The following LARGE1 variants were observed in gnomAD, a reference collection of about 807,000 sequenced individuals.
LARGE1 encodes the protein xylosyl- and glucuronyltransferase LARGE1.
A neutral mutation model predicts 87.6 loss-of-function variants in LARGE1; 43 were observed. The ratio of observed to expected loss-of-function variants is 0.49; its 90% CI spans 0.38 to 0.63. LARGE1 has a LOEUF of 0.63. Among genes scored for constraint, LARGE1 ranks in the 30% least tolerant of loss-of-function variants. The pLI is 0.00. For missense variants in LARGE1, 802 were observed against 1,000.2 expected, an observed-to-expected ratio of 0.80 and a Z score of 2.67; for synonymous variants, 434 against 394.6, an observed-to-expected ratio of 1.10 and a Z score of -1.18.
chr22:33,264,441 T>C (rs5998831), intron 11 of LARGE1, among the ~76,000 whole-genome samples: 20,877 of 152,136 alleles, frequency 0.14, 2,243 homozygotes, highest in African/African-American at 0.3. Flanking sequence ...GGTGGATCAC[T>C]TGAGGTCAGG....
intron 6 of LARGE1, among the ~76,000 whole-genome samples, chr22:33,456,146 C>T (rs1316192607): frequency 6.6e-6 from 1 of 152,212 alleles, no homozygotes; most frequent in East Asian, 1.9e-4. Context: ...CCCACTTGTT[C>T]TTAGACCTGG....
chr22:33,273,416 C>A lies in LARGE1; in HGVS notation c.*1011G>T. The A allele has an allele frequency of 2.5e-6, 1 of 398,710 alleles. No homozygotes were observed. Among genetic ancestry groups the A allele is most frequent in the Non-Finnish European group, 4.4e-6 (1 of 226,064 alleles). 24.7% of individuals were successfully genotyped at this position (398,710 alleles called of 1,614,324 possible). ...GGATACGTGAATCTTCAGAACTGGG[C>A]TTTCATGAATTATGAAAGTTCTTCG... On this transcript the variant is annotated 3_prime_UTR_variant, in exon 15 of 15. Coordinates refer to ENST00000397394, the MANE Select transcript of LARGE1 (RefSeq NM_133642.5).
chr22:33,633,831 C>A (rs960076066), intron 3 of LARGE1, among the ~76,000 whole-genome samples: 1 of 152,158 alleles, frequency 6.6e-6, no homozygotes, highest in African/African-American at 2.4e-5. Context: ...CTGACAGCTG[C>A]GGAGAAGCGA....
chr22:33,788,033 G>A (rs1042909579), intron 1 of LARGE1, among the ~76,000 whole-genome samples: 3 of 152,166 alleles, frequency 2.0e-5, no homozygotes, highest in African/African-American at 7.2e-5. Context: ...CAGAGACCAA[G>A]CATCCAGCTG....
At chr22:33,913,065 C>T (rs2065683814) in intron 1 of LARGE1, among the ~76,000 whole-genome samples, 4 of 152,174 alleles carry the variant, frequency 2.6e-5, no homozygotes, top group Admixed American at 2.6e-4. Context: ...CTCCTGACCT[C>T]AGGTGATCCC....
intron 6 of LARGE1, among the ~76,000 whole-genome samples, chr22:33,550,796 G>A (rs957503787): frequency 1.3e-5 from 2 of 152,204 alleles, no homozygotes; most frequent in Non-Finnish European, 2.9e-5. Flanking sequence ...ATCAACCGAC[G>A]TGCCCATCAA....
chr22:33,298,978 G>A lies in LARGE1; in HGVS notation c.1730+5251C>T, dbSNP rs536552791. Among the ~76,000 whole-genome samples, 48 of 152,266 alleles carry A rather than the reference G, an allele frequency of 3.2e-4. 1 individual carries two copies. Among genetic ancestry groups the A allele is most frequent in the Middle Eastern group, 3.4e-3 (1 of 294 alleles). ...AATCCCAGCACTTTGGGAGGCCTGG[G>A]TGGGCGGATCACTTGAGACTAGGAG... On this transcript the variant is annotated intron_variant, in intron 12 of 14. Coordinates refer to ENST00000397394, the MANE Select transcript of LARGE1 (RefSeq NM_133642.5).
chr22:33,280,520 T>C (rs1407628138), intron 13 of LARGE1, among the ~76,000 whole-genome samples: 1 of 152,026 alleles, frequency 6.6e-6, no homozygotes, highest in Admixed American at 6.6e-5. Flanking sequence ...GACGGCGCCA[T>C]TGCACTCCAT....
intron 1 of LARGE1, among the ~76,000 whole-genome samples, chr22:33,790,145 G>A (rs967173559): frequency 4.6e-5 from 7 of 152,158 alleles, no homozygotes; most frequent in Admixed American, 3.9e-4. Context: ...TTTCATGGTA[G>A]TGAATAAGTC....
intron 6 of LARGE1, among the ~76,000 whole-genome samples, chr22:33,557,929 T>C (rs1482410874): frequency 6.6e-6 from 1 of 152,190 alleles, no homozygotes; most frequent in Non-Finnish European, 1.5e-5. Flanking sequence ...TTAACAAAAC[T>C]GTATGATTGC....
Position 33,579,361 on chromosome 22 carries a change from G to T in LARGE1, c.616-14342C>A, listed in dbSNP as rs185250723. Among the ~76,000 whole-genome samples, 16 of 152,312 alleles carry T rather than the reference G, an allele frequency of 1.1e-4. No individual in the cohort carries two copies. In the East Asian group the frequency reaches 3.1e-3, roughly 29 times the overall value. ...ATTGTGAGGCATCCCCAGCCACGCG[G>T]AATTTTAAGTCCAGTTAAATCTCTT... On this transcript the variant is annotated intron_variant, in intron 5 of 14. Coordinates refer to ENST00000397394, the MANE Select transcript of LARGE1 (RefSeq NM_133642.5).
intron 6 of LARGE1, among the ~76,000 whole-genome samples, chr22:33,506,730 G>A (rs191631522): frequency 8.5e-5 from 13 of 152,218 alleles, no homozygotes; most frequent in African/African-American, 1.2e-4. Context: ...GTGAAACCCC[G>A]TCTCTAGTAA....
intron 9 of LARGE1, among the ~76,000 whole-genome samples, chr22:33,379,951 T>C (rs542355886): frequency 2.4e-4 from 37 of 152,280 alleles, no homozygotes; most frequent in Non-Finnish European, 4.9e-4. Context: ...AAAGACTAAA[T>C]AGATTTCTTA....
At chr22:33,255,588 T>C (rs1335205198) in intron 11 of LARGE1, among the ~76,000 whole-genome samples, 1 of 152,238 alleles carries the variant, frequency 6.6e-6, no homozygotes, top group African/African-American at 2.4e-5. Flanking sequence ...TCTGAGTTTG[T>C]TGCTTGAGAT....
At chr22:33,811,471 C>T (rs2086491513) in intron 1 of LARGE1, among the ~76,000 whole-genome samples, 1 of 152,160 alleles carries the variant, frequency 6.6e-6, no homozygotes, top group South Asian at 2.1e-4. Context: ...GCATGAGCTT[C>T]AGTTCAACCA....
chr22:33,226,752 C>A (rs973171607), intron 11 of LARGE1, among the ~76,000 whole-genome samples: 1 of 150,320 alleles, frequency 6.7e-6, no homozygotes, highest in African/African-American at 2.4e-5. Flanking sequence ...TTTTTTGAGA[C>A]GGAGTCCCGC....
intron 6 of LARGE1, among the ~76,000 whole-genome samples, chr22:33,502,568 T>C (rs1275326696): frequency 6.7e-6 from 1 of 150,370 alleles, no homozygotes; most frequent in Non-Finnish European, 1.5e-5. Context: ...CTGCATATCC[T>C]GCCACGTGCT....
At chr22:33,395,793 C>A (rs2065721229) in intron 7 of LARGE1, among the ~76,000 whole-genome samples, 1 of 152,190 alleles carries the variant, frequency 6.6e-6, no homozygotes, top group South Asian at 2.1e-4. Flanking sequence ...ATGTAGCATT[C>A]TGTAGGATGC....
chr22:33,141,115 G>A, the LARGE1 span, among the ~76,000 whole-genome samples: 1 of 151,604 alleles, frequency 6.6e-6, no homozygotes, highest in African/African-American at 2.4e-5. Flanking sequence ...AATATCTACT[G>A]AAATCTATGG....
Sources: allele counts gnomAD v4.1 joint callset (sites outside exome capture counted in the v4.1 genomes callset), GRCh38; gene constraint gnomAD v4.1.1; transcripts MANE v1.5; gene names NCBI Gene and HGNC (gene_info 2026-07-23, HGNC 2026-07-21).